The following DLG5 variants were observed in gnomAD, a reference collection of about 807,000 sequenced individuals.
DLG5 encodes discs large MAGUK scaffold protein 5.
A neutral mutation model predicts 189.8 loss-of-function variants in DLG5; 48 were observed. The observed-to-expected ratio is 0.25, with a 90% CI of 0.20 to 0.32. The LOEUF (loss-of-function observed/expected upper bound fraction) is 0.32, where lower values mean the gene tolerates loss of function less well. Ranked by LOEUF, DLG5 falls within the 10% of genes least tolerant of loss-of-function variation. The pLI, the probability that DLG5 is intolerant of heterozygous loss-of-function variation, is 1.00. For missense variants in DLG5, 2,160 were observed against 2,544.7 expected, an observed-to-expected ratio of 0.85 and a Z score of 3.25; for synonymous variants, 1,016 against 1,054.1, an observed-to-expected ratio of 0.96 and a Z score of 0.70.
the DLG5 span, among the ~76,000 whole-genome samples, chr10:77,936,980 C>T: frequency 2.0e-5 from 3 of 152,104 alleles, no homozygotes; most frequent in Non-Finnish European, 4.4e-5. Flanking sequence ...ACAGCCTTCT[C>T]GGTGAACCCC....
At chr10:77,799,819 C>T (rs1841110070) in intron 27 of DLG5, among the ~76,000 whole-genome samples, 1 of 152,102 alleles carries the variant, frequency 6.6e-6, no homozygotes, top group Non-Finnish European at 1.5e-5. Flanking sequence ...CCATGTTGCC[C>T]AGGCTGGTCT....
At chr10:77,936,106 G>A in the DLG5 span, among the ~76,000 whole-genome samples, 2 of 152,246 alleles carry the variant, frequency 1.3e-5, no homozygotes, top group African/African-American at 4.8e-5. Flanking sequence ...TTTGTTGTTA[G>A]TTCAGGAATG....
intron 24 of DLG5, 107 bp downstream of exon 24, chr10:77,809,440 A>C (rs1359440655): frequency 2.4e-5 from 30 of 1,276,134 alleles, no homozygotes; most frequent in Non-Finnish European, 3.3e-5. Context: ...TGACTGGCTC[A>C]CCAGATGAGA....
intron 2 of DLG5, among the ~76,000 whole-genome samples, chr10:77,867,571 G>A (rs962375619): frequency 2.0e-5 from 3 of 152,218 alleles, no homozygotes; most frequent in Admixed American, 1.3e-4. Context: ...CAAAGTAATA[G>A]GATACCGTTG....
intron 1 of DLG5, among the ~76,000 whole-genome samples, chr10:77,896,130 A>C (rs941618082): frequency 1.6e-4 from 21 of 129,064 alleles, no homozygotes; most frequent in Non-Finnish European, 1.6e-5. Context: ...ACAGCACTCC[A>C]GGAGACTGTG....
At position 77,821,145 on chromosome 10, in the gene DLG5, T is replaced by C; in HGVS notation, c.3339A>G (p.Pro1113=). The C allele has an allele frequency of 6.2e-7, 1 of 1,614,140 alleles. No homozygotes were observed. Among genetic ancestry groups the C allele is most frequent in the Non-Finnish European group, 8.5e-7 (1 of 1,180,036 alleles). ...TCGGCCGAAAACTGGGAGCAGATTT[T>C]GGCCGGCGACGCTTCTGCCCCAGCT... The part of the protein sequence containing the change: ...VDELGQKRRR[P]KSAPSFRPKL... The change falls in exon 15 of 32, where the codon CCA becomes CCG. Residue 1113 remains proline, a synonymous_variant. Transcript: ENST00000372391.
At position 77,830,755 on chromosome 10, in the gene DLG5, A is replaced by G. The variant is rs774814871; in HGVS notation, c.1867T>C (p.Phe623Leu). The G allele has an allele frequency of 6.2e-7, 1 of 1,613,918 alleles. No homozygotes were observed. Among genetic ancestry groups the G allele is most frequent in the Non-Finnish European group, 8.5e-7 (1 of 1,179,962 alleles). The change falls in exon 10 of 32, where the codon TTC becomes CTC. Residue 623 changes from phenylalanine (F) to leucine (L), a missense_variant. Physicochemically the swap from Phe to Leu is conservative, Grantham distance 22 (BLOSUM62 0). Around this residue, in one of 5 missense-constraint regions of DLG5, gnomAD observed 664 missense variants for 838.5 expected, o/e 0.79. Transcript: ENST00000372391. ...AGGCAGCTTACCGTCTCCCTCTCGAACTCTACAACTTCCGTTTCCCACTCC... is the reference window on the plus strand; with the variant it reads ...AGGCAGCTTACCGTCTCCCTCTCGAGCTCTACAACTTCCGTTTCCCACTCC... ...SMEWETEVVEFERETEDIDLK... is the reference protein window; with the variant it reads ...SMEWETEVVELERETEDIDLK...
chr10:77,917,090 C>G (rs1362607131), intron 1 of DLG5, among the ~76,000 whole-genome samples: 2 of 151,752 alleles, frequency 1.3e-5, no homozygotes, highest in Non-Finnish European at 2.9e-5. Flanking sequence ...AAACGGACAA[C>G]TTGAGAGGCC....
intron 1 of DLG5, among the ~76,000 whole-genome samples, chr10:77,882,124 C>A (rs1252226410): frequency 6.6e-6 from 1 of 152,184 alleles, no homozygotes; most frequent in South Asian, 2.1e-4. Flanking sequence ...GAACCCCTTG[C>A]CCACCACAAT....
chr10:77,894,370 G>A (rs1845696913), intron 1 of DLG5, among the ~76,000 whole-genome samples: 1 of 152,182 alleles, frequency 6.6e-6, no homozygotes, highest in Non-Finnish European at 1.5e-5. Context: ...GGATTTTTGT[G>A]AGGCTAAAAT....
chr10:77,871,452 T>C (rs1844893665), intron 1 of DLG5, among the ~76,000 whole-genome samples: 1 of 151,770 alleles, frequency 6.6e-6, no homozygotes, highest in African/African-American at 2.4e-5. Flanking sequence ...ACCTCCCATA[T>C]CTGAAGTCCA....
chr10:77,872,302 A>G (rs1164786305), intron 1 of DLG5, among the ~76,000 whole-genome samples: 1 of 152,084 alleles, frequency 6.6e-6, no homozygotes, highest in African/African-American at 2.4e-5. Context: ...GCAAGTTTCC[A>G]CTGTTAATTA....
chr10:77,931,413 A>AT (rs11392273), upstream of DLG5, among the ~76,000 whole-genome samples: 41,473 of 147,770 alleles, frequency 0.28, 5,720 homozygotes, highest in East Asian at 0.4. Context: ...ACACCTAGGT[A>AT]TTTTTTTTTT....
At chr10:77,930,443 G>A (rs1344620736), upstream of DLG5, among the ~76,000 whole-genome samples, 12 of 150,600 alleles carry the variant, frequency 8.0e-5, no homozygotes, top group African/African-American at 2.9e-4. Flanking sequence ...CACCTCCCGG[G>A]TTCAAGCGAT....
intron 1 of DLG5, among the ~76,000 whole-genome samples, chr10:77,904,392 G>C (rs868787334): frequency 7.2e-5 from 11 of 152,080 alleles, no homozygotes; most frequent in African/African-American, 2.7e-4. Flanking sequence ...TTAAGACTTT[G>C]GGGGACTGTT....
chr10:77,934,921 G>T, the DLG5 span, among the ~76,000 whole-genome samples: 4 of 147,682 alleles, frequency 2.7e-5, no homozygotes, highest in Non-Finnish European at 4.4e-5. Context: ...GCAGTGGCAC[G>T]ATCTTGGCTC....
intron 1 of DLG5, among the ~76,000 whole-genome samples, chr10:77,894,792 G>A (rs1019797316): frequency 2.6e-4 from 39 of 151,864 alleles, no homozygotes; most frequent in Non-Finnish European, 1.3e-4. Context: ...AGAAGCCCTC[G>A]CTGCTAGCTC....
chr10:77,871,059 A>G (rs1009112883), intron 1 of DLG5, among the ~76,000 whole-genome samples: 3 of 152,236 alleles, frequency 2.0e-5, no homozygotes, highest in African/African-American at 7.2e-5. Flanking sequence ...TAGCCTCATT[A>G]TCACATTTTC....
chr10:77,847,395 A>G (rs1244307924), intron 5 of DLG5, among the ~76,000 whole-genome samples: 1 of 152,042 alleles, frequency 6.6e-6, no homozygotes, highest in Non-Finnish European at 1.5e-5. Context: ...CTTGGAGTCA[A>G]ACAGAATAAC....
Sources: allele counts gnomAD v4.1 joint callset (sites outside exome capture counted in the v4.1 genomes callset), GRCh38; gene constraint gnomAD v4.1.1; regional missense constraint gnomAD v4.1.1; transcripts MANE v1.5; gene names NCBI Gene and HGNC (gene_info 2026-07-23, HGNC 2026-07-21).